PCDH9: variants seen among roughly 807,000 people sequenced by gnomAD.
PCDH9 encodes protocadherin-9.
A neutral mutation model predicts 70.6 loss-of-function variants in PCDH9; 24 were observed. The observed-to-expected ratio is 0.34, with a 90% CI of 0.25 to 0.48. The LOEUF (loss-of-function observed/expected upper bound fraction) is 0.48, where lower values mean the gene tolerates loss of function less well. Ranked by LOEUF, PCDH9 falls within the 20% of genes least tolerant of loss-of-function variation. The probability of loss-of-function intolerance (pLI) is 0.99; values close to 1 mark genes in which losing one functional copy is unlikely to be tolerated. For synonymous variants in PCDH9, 562 were observed against 558.5 expected, an observed-to-expected ratio of 1.01 and a Z score of -0.09; for missense variants, 1,281 against 1,503.6, an observed-to-expected ratio of 0.85 and a Z score of 2.45.
At chr13:66,476,183 G>C (rs895660342) in intron 4 of PCDH9, among the ~76,000 whole-genome samples, 1 of 151,876 alleles carries the variant, frequency 6.6e-6, no homozygotes, top group African/African-American at 2.4e-5. Flanking sequence ...CAAAAAGTTT[G>C]TTTATTGTTC....
At chr13:66,421,830 G>A (rs538941957) in intron 4 of PCDH9, among the ~76,000 whole-genome samples, 1 of 152,238 alleles carries the variant, frequency 6.6e-6, no homozygotes, top group African/African-American at 2.4e-5. Context: ...AATGTTAACA[G>A]GCTAAATGCC....
At chr13:66,851,059 C>T (rs926128165) in intron 3 of PCDH9, among the ~76,000 whole-genome samples, 5 of 152,128 alleles carry the variant, frequency 3.3e-5, no homozygotes, top group South Asian at 2.1e-4. Context: ...GTTCTTCTAA[C>T]GCCTTTTGAA....
Position 66,331,957 on chromosome 13 carries a change from G to C in PCDH9, c.3341-26929C>G, listed in dbSNP as rs112715842. On this transcript the variant is annotated intron_variant, in intron 4 of 4. Transcript: ENST00000377865. The stretch of plus-strand genomic sequence containing the variant: ...TGTATGTTGCCTCTTTGGTAGTCCT[G>C]CAGTGAAATAACCAAATGCTGACTT... Among the ~76,000 whole-genome samples the C allele has an allele frequency of 2.2e-4, 33 of 152,280 alleles. 2 individuals carry two copies. Among genetic ancestry groups the C allele is most frequent in the African/African-American group, 7.2e-4 (30 of 41,558 alleles).
At chr13:66,508,320 T>G (rs1185408334) in intron 4 of PCDH9, among the ~76,000 whole-genome samples, 1 of 152,114 alleles carries the variant, frequency 6.6e-6, no homozygotes, top group Non-Finnish European at 1.5e-5. Flanking sequence ...CAGAAATATT[T>G]TGGAACTAGA....
At chr13:66,783,510 GA>G (rs1200616075) in intron 3 of PCDH9, among the ~76,000 whole-genome samples, 1 of 152,110 alleles carries the variant, frequency 6.6e-6, no homozygotes, top group South Asian at 2.1e-4. Flanking sequence ...ATGAACAATA[GA>G]AGAAATTAAA....
At chr13:66,654,522 C>T (rs953082709) in intron 3 of PCDH9, among the ~76,000 whole-genome samples, 3 of 151,920 alleles carry the variant, frequency 2.0e-5, no homozygotes, top group African/African-American at 7.3e-5. Context: ...GTGAGGGATA[C>T]CCAGTTATCC....
intron 3 of PCDH9, among the ~76,000 whole-genome samples, chr13:66,890,558 A>G (rs1395636338): frequency 2.7e-5 from 4 of 150,164 alleles, no homozygotes; most frequent in African/African-American, 9.8e-5. Context: ...TTTACAAATG[A>G]GGATGGTCTT....
At chr13:67,142,601 A>T (rs1170383854) in intron 2 of PCDH9, among the ~76,000 whole-genome samples, 5 of 152,202 alleles carry the variant, frequency 3.3e-5, no homozygotes, top group Non-Finnish European at 7.3e-5. Context: ...TTGAGAGTGT[A>T]TAGTGGTATT....
intron 4 of PCDH9, among the ~76,000 whole-genome samples, chr13:66,627,144 T>C (rs1192201005): frequency 6.6e-6 from 1 of 152,138 alleles, no homozygotes; most frequent in African/African-American, 2.4e-5. Flanking sequence ...ATGAACCATA[T>C]TTGAAAAAAC....
At chr13:66,428,308 G>T (rs375130673) in intron 4 of PCDH9, among the ~76,000 whole-genome samples, 4 of 151,418 alleles carry the variant, frequency 2.6e-5, no homozygotes, top group African/African-American at 9.7e-5. Flanking sequence ...AACTATGTTG[G>T]GTTTATTAAT....
At chr13:66,720,128 T>G (rs547712467) in intron 3 of PCDH9, among the ~76,000 whole-genome samples, 2 of 151,990 alleles carry the variant, frequency 1.3e-5, no homozygotes, top group Non-Finnish European at 2.9e-5. Context: ...TTAGGACCAT[T>G]TCCTAGATTT....
At chr13:66,796,299 G>A (rs1018300632) in intron 3 of PCDH9, among the ~76,000 whole-genome samples, 1 of 152,048 alleles carries the variant, frequency 6.6e-6, no homozygotes, top group African/African-American at 2.4e-5. Flanking sequence ...CAGAGGCTGG[G>A]GAAAAAGCAA....
At chr13:66,518,503 C>T (rs1323046956) in intron 4 of PCDH9, among the ~76,000 whole-genome samples, 1 of 152,080 alleles carries the variant, frequency 6.6e-6, no homozygotes, top group Non-Finnish European at 1.5e-5. Flanking sequence ...TTGCAAACTC[C>T]TCCTCCTCGA....
In PCDH9 at chr13:67,044,488, T is replaced by C. The variant is rs185808251; in HGVS notation, c.3037-140883A>G. Among the ~76,000 whole-genome samples, 422 of 152,262 alleles carry C rather than the reference T, an allele frequency of 2.8e-3. 1 individual carries two copies. Among genetic ancestry groups the C allele is most frequent in the Non-Finnish European group, 5.1e-3 (345 of 68,028 alleles). On this transcript the variant is annotated intron_variant, in intron 2 of 4. Transcript: ENST00000377865. ...TATGAAAGTGTGTTTGTCCACAATG[T>C]ATGCACACACACGTACAAAGTGCAA...
intron 4 of PCDH9, among the ~76,000 whole-genome samples, chr13:66,603,482 T>C (rs2077186538): frequency 6.6e-6 from 1 of 152,016 alleles, no homozygotes; most frequent in African/African-American, 2.4e-5. Context: ...CTTTGAAAAT[T>C]GTTCAATGGA....
chr13:66,853,252 T>A lies in PCDH9; in HGVS notation c.3138+50252A>T, dbSNP rs116977746. On this transcript the variant is annotated intron_variant, in intron 3 of 4. Coordinates refer to ENST00000377865, the MANE Select transcript of PCDH9 (RefSeq NM_203487.3). ...ATAATGATAAAATATACCAGTTAAG[T>A]AGTAGCTGATTCTAAGAGGATCTAA... Among the ~76,000 whole-genome samples the A allele has an allele frequency of 5.0e-3, 757 of 151,204 alleles. 5 individuals carry two copies. The highest frequency in any genetic ancestry group is 9.0e-3 in the Non-Finnish European group (610 of 67,810).
intron 4 of PCDH9, among the ~76,000 whole-genome samples, chr13:66,402,496 T>C (rs952446662): frequency 7.9e-5 from 12 of 152,068 alleles, no homozygotes; most frequent in African/African-American, 2.9e-4. Context: ...AGATTAAATA[T>C]TTATATCCAT....
rs2139429435 is a variant in PCDH9, at chr13:66,841,076, T to C, written c.3138+62428A>G. 2.0e-5 allele frequency among the ~76,000 whole-genome samples: 3 copies of C among 152,348 alleles called. 1 individual carries two copies. The South Asian group carries it at 6.2e-4, about 32-fold the overall frequency. Reference sequence around the variant, plus strand: ...ATAAAAACTGTAGCATGAAGGTATGTTATTTTTTAAGGATAATTTATTTTT... The same window carrying C: ...ATAAAAACTGTAGCATGAAGGTATGCTATTTTTTAAGGATAATTTATTTTT... On this transcript the variant is annotated intron_variant, in intron 3 of 4. Transcript: ENST00000377865.
intron 3 of PCDH9, among the ~76,000 whole-genome samples, chr13:66,821,893 C>A (rs563027576): frequency 1.3e-5 from 2 of 152,268 alleles, no homozygotes; most frequent in South Asian, 4.1e-4. Flanking sequence ...TCACAAATTT[C>A]TTACTGAGTT....
Sources: allele counts gnomAD v4.1 joint callset (sites outside exome capture counted in the v4.1 genomes callset), GRCh38; gene constraint gnomAD v4.1.1; transcripts MANE v1.5; gene names NCBI Gene and HGNC (gene_info 2026-07-23, HGNC 2026-07-21).